DNM3: variants seen among roughly 807,000 people sequenced by gnomAD.
DNM3 encodes the protein dynamin 3.
DNM3 carries 47 observed loss-of-function variants against 101.6 expected under a neutral mutation model. The ratio of observed to expected loss-of-function variants is 0.46; its 90% CI spans 0.37 to 0.59. DNM3 has a LOEUF of 0.59. DNM3 is among the 20% of genes least tolerant of loss of function. The probability of loss-of-function intolerance (pLI) is 0.00; values close to 1 mark genes in which losing one functional copy is unlikely to be tolerated. For missense variants in DNM3, 849 were observed against 1,085.7 expected (o/e 0.78, Z 3.06); for synonymous variants, 385 against 387.9 (o/e 0.99, Z 0.09).
chr1:172,328,704 G>A (rs2066047812), intron 17 of DNM3, among the ~76,000 whole-genome samples: 1 of 152,074 alleles, frequency 6.6e-6, no homozygotes, highest in Non-Finnish European at 1.5e-5. Flanking sequence ...GTTATTACCT[G>A]GGTGATGAAA....
In DNM3 at chr1:172,114,454, G is replaced by T. The variant is rs150380290; in HGVS notation, c.1546-16721G>T. Reference sequence around the variant, plus strand: ...TACCTGTTTCGTACTCTTCATAAAGGTTCTTCCATTACAGAATCTCTAAGA... The same window carrying T: ...TACCTGTTTCGTACTCTTCATAAAGTTTCTTCCATTACAGAATCTCTAAGA... On this transcript the variant is annotated intron_variant, in intron 13 of 20. Transcript: ENST00000627582. Among the ~76,000 whole-genome samples the T allele has an allele frequency of 1.9e-3, 292 of 152,182 alleles. 2 individuals carry two copies. Among genetic ancestry groups the T allele is most frequent in the African/African-American group, 6.7e-3 (280 of 41,492 alleles).
chr1:171,923,724 T>C (rs1412942459), intron 2 of DNM3, among the ~76,000 whole-genome samples: 1 of 152,176 alleles, frequency 6.6e-6, no homozygotes, highest in Non-Finnish European at 1.5e-5. Context: ...AGGTACAGGT[T>C]TGTTATATTG....
chr1:172,000,487 GCT>G (rs1428561297), intron 4 of DNM3, among the ~76,000 whole-genome samples: 1 of 152,072 alleles, frequency 6.6e-6, no homozygotes, highest in Non-Finnish European at 1.5e-5. Flanking sequence ...TTAAAATGCT[GCT>G]CTCTGAGGAG....
At chr1:172,335,900 T>C (rs534194047) in intron 17 of DNM3, among the ~76,000 whole-genome samples, 1 of 152,156 alleles carries the variant, frequency 6.6e-6, no homozygotes, top group South Asian at 2.1e-4. Context: ...TCACATAATA[T>C]ACTCATGTAA....
rs530838343 is a variant in DNM3, at chr1:172,411,522, T to C, written c.*3681T>C. Reference sequence around the variant, plus strand: ...CCAAGTTGATATACATAGTCATTTTTCCTCTATGGTAGAAGTAAAAAAAAA... The same window carrying C: ...CCAAGTTGATATACATAGTCATTTTCCCTCTATGGTAGAAGTAAAAAAAAA... On this transcript the variant is annotated 3_prime_UTR_variant, in exon 21 of 21. Transcript: ENST00000627582. 1 of 982,656 alleles carries C rather than the reference T, an allele frequency of 1.0e-6. No individual in the cohort carries two copies. The highest frequency in any genetic ancestry group is 1.8e-5 in the African/African-American group (1 of 56,854). 60.9% of individuals were successfully genotyped at this position (982,656 alleles called of 1,614,324 possible).
intron 1 of DNM3, among the ~76,000 whole-genome samples, chr1:171,847,889 T>C (rs1280066061): frequency 1.4e-4 from 7 of 48,524 alleles, no homozygotes; most frequent in Non-Finnish European, 2.9e-4. Context: ...ACTCTCTCTC[T>C]CTCTCTCTGT....
intron 13 of DNM3, among the ~76,000 whole-genome samples, chr1:172,111,089 T>C (rs1288503435): frequency 6.6e-6 from 1 of 152,232 alleles, no homozygotes; most frequent in Non-Finnish European, 1.5e-5. Context: ...ATTCTGAACA[T>C]AGTAAATTCT....
At chr1:172,396,174 C>A (rs1312140865) in intron 20 of DNM3, among the ~76,000 whole-genome samples, 1 of 152,176 alleles carries the variant, frequency 6.6e-6, no homozygotes, top group East Asian at 1.9e-4. Flanking sequence ...GAAATGCCCA[C>A]TCCTGTTTTC....
intron 2 of DNM3, among the ~76,000 whole-genome samples, chr1:171,981,360 G>T (rs1186810342): frequency 1.3e-5 from 2 of 152,170 alleles, no homozygotes; most frequent in East Asian, 3.8e-4. Flanking sequence ...ATGGACAAGA[G>T]ATCATTTTTT....
At chr1:172,136,763 T>G (rs996048974) in intron 14 of DNM3, 2 of 152,076 alleles carry the variant, frequency 1.3e-5, no homozygotes, top group African/African-American at 4.8e-5. Context: ...TCAAACCCAC[T>G]CCCCTATATG....
At chr1:172,333,879 A>G (rs555225379) in intron 17 of DNM3, among the ~76,000 whole-genome samples, 3 of 152,312 alleles carry the variant, frequency 2.0e-5, no homozygotes, top group African/African-American at 7.2e-5. Context: ...ATTATTGACT[A>G]TGAATTGAAG....
chr1:172,013,323 A>G (rs1035509895), intron 4 of DNM3, among the ~76,000 whole-genome samples: 3 of 152,090 alleles, frequency 2.0e-5, no homozygotes, highest in African/African-American at 7.2e-5. Context: ...TCTAGGTAAC[A>G]TGGTAGAATG....
intron 2 of DNM3, among the ~76,000 whole-genome samples, chr1:171,964,430 C>T (rs979420549): frequency 3.3e-5 from 5 of 152,082 alleles, no homozygotes; most frequent in African/African-American, 1.2e-4. Flanking sequence ...ATCTTTGAAT[C>T]CACCATATGA....
chr1:171,956,692 C>T (rs1353628800), intron 2 of DNM3, among the ~76,000 whole-genome samples: 1 of 152,202 alleles, frequency 6.6e-6, no homozygotes. Context: ...TCTGACTCCA[C>T]ATTTCCCTTC....
intron 14 of DNM3, among the ~76,000 whole-genome samples, chr1:172,193,872 C>G (rs1330333030): frequency 6.6e-6 from 1 of 152,106 alleles, no homozygotes; most frequent in African/African-American, 2.4e-5. Flanking sequence ...CAGTTCTGCT[C>G]TGATCTTAGT....
Position 172,331,083 on chromosome 1 carries a change from G to A in DNM3, c.1893+7743G>A, listed in dbSNP as rs146835977. On this transcript the variant is annotated intron_variant, in intron 17 of 20. Coordinates refer to ENST00000627582, the MANE Select transcript of DNM3 (RefSeq NM_015569.5). ...AAATGCTCACATTCCCTCATTCATT[G>A]CCTATTGCTTTCAATAGTGTCTTTG... is the stretch of plus-strand genomic sequence containing the variant. Among the ~76,000 whole-genome samples the A allele has an allele frequency of 4.0e-4, 61 of 152,200 alleles. 1 individual carries two copies. In the East Asian group the frequency reaches 9.3e-3, roughly 23 times the overall value.
chr1:172,294,499 T>C (rs1193399153), intron 15 of DNM3, among the ~76,000 whole-genome samples: 1 of 152,216 alleles, frequency 6.6e-6, no homozygotes, highest in Non-Finnish European at 1.5e-5. Context: ...ATTAGTTATG[T>C]GATCTTGGGA....
chr1:172,398,982 C>A (rs2070248823), intron 20 of DNM3, among the ~76,000 whole-genome samples: 1 of 152,160 alleles, frequency 6.6e-6, no homozygotes, highest in Non-Finnish European at 1.5e-5. Context: ...ATCTTATATG[C>A]CTACTCATCC....
At chr1:172,289,328 G>A (rs2063815959) in intron 15 of DNM3, among the ~76,000 whole-genome samples, 1 of 152,010 alleles carries the variant, frequency 6.6e-6, no homozygotes, top group South Asian at 2.1e-4. Context: ...CTGGTCAGAT[G>A]GGATTTTATT....
Sources: gnomAD v4.1 joint callset for allele counts (sites outside exome capture counted in the v4.1 genomes callset) on GRCh38, gnomAD v4.1.1 for gene constraint, MANE v1.5 for transcripts, NCBI Gene and HGNC (gene_info 2026-07-23, HGNC 2026-07-21) for gene names.